The following RASEF variants were observed in gnomAD, a reference collection of about 807,000 sequenced individuals.
RASEF encodes the protein RAS and EF-hand domain containing.
RASEF carries 68 observed loss-of-function variants against 90.1 expected under a neutral mutation model. The ratio of observed to expected loss-of-function variants is 0.75; its 90% CI spans 0.62 to 0.92. The LOEUF (loss-of-function observed/expected upper bound fraction) is 0.92, where lower values mean the gene tolerates loss of function less well. RASEF is among the 40% of genes least tolerant of loss of function. The probability of loss-of-function intolerance (pLI) is 0.00; values close to 1 mark genes in which losing one functional copy is unlikely to be tolerated. For missense variants in RASEF, 949 were observed against 937.2 expected (o/e 1.01, Z -0.16); for synonymous variants, 331 against 345.2 (o/e 0.96, Z 0.46).
chr9:83,118,235 T>C, the RASEF span, among the ~76,000 whole-genome samples: 1 of 152,058 alleles, frequency 6.6e-6, no homozygotes, highest in Non-Finnish European at 1.5e-5. Context: ...TAGTCTGGCA[T>C]CCATTAATGG....
the RASEF span, among the ~76,000 whole-genome samples, chr9:83,172,375 C>A: frequency 6.6e-6 from 1 of 151,698 alleles, no homozygotes; most frequent in Non-Finnish European, 1.5e-5. Flanking sequence ...TTCCATTTAA[C>A]ATTATTATTG....
the RASEF span, among the ~76,000 whole-genome samples, chr9:83,189,462 C>T: frequency 3.9e-5 from 6 of 152,126 alleles, no homozygotes; most frequent in Non-Finnish European, 5.9e-5. Flanking sequence ...CCAGATCAGA[C>T]ATCAGGAAGT....
chr9:83,167,364 CTTT>C, the RASEF span, among the ~76,000 whole-genome samples: 2,952 of 143,000 alleles, frequency 0.021, 103 homozygotes, highest in African/African-American at 0.071. Context: ...GTCTTTAGGC[CTTT>C]TTTTTTTTTT....
the RASEF span, among the ~76,000 whole-genome samples, chr9:83,099,908 T>C: frequency 6.6e-6 from 1 of 152,210 alleles, no homozygotes; most frequent in Non-Finnish European, 1.5e-5. Flanking sequence ...TCAAATATTA[T>C]GGTGATACAG....
At chr9:83,142,267 GA>G in the RASEF span, among the ~76,000 whole-genome samples, 5 of 152,144 alleles carry the variant, frequency 3.3e-5, no homozygotes, top group African/African-American at 1.2e-4. Context: ...CTCATCAAAG[GA>G]AGAAATTTTT....
chr9:83,172,091 G>A, the RASEF span, among the ~76,000 whole-genome samples: 1 of 151,430 alleles, frequency 6.6e-6, no homozygotes, highest in Non-Finnish European at 1.5e-5. Context: ...TCATCCTATA[G>A]GTATGGTATG....
chr9:83,153,926 AAAC>A, the RASEF span, among the ~76,000 whole-genome samples: 2 of 152,208 alleles, frequency 1.3e-5, no homozygotes, highest in Non-Finnish European at 2.9e-5. Context: ...GACAGTTGTC[AAAC>A]AACATTTCCA....
chr9:83,168,794 T>C, the RASEF span, among the ~76,000 whole-genome samples: 2 of 152,160 alleles, frequency 1.3e-5, no homozygotes, highest in African/African-American at 4.8e-5. Context: ...ATGGCTATTA[T>C]TAAAGACAAA....
the RASEF span, among the ~76,000 whole-genome samples, chr9:83,147,140 C>T: frequency 6.6e-6 from 1 of 151,322 alleles, no homozygotes; most frequent in African/African-American, 2.4e-5. Flanking sequence ...ATTCTTTCCA[C>T]CTCAGAAAGA....
At chr9:83,055,286 C>T (rs956756196) in intron 1 of RASEF, 9 of 344,222 alleles carry the variant, frequency 2.6e-5, no homozygotes, top group Admixed American at 8.5e-5. Context: ...GCGCAATATT[C>T]GGGTGGGAGT....
intron 1 of RASEF, among the ~76,000 whole-genome samples, chr9:83,035,272 C>T (rs2118615170): frequency 6.6e-6 from 1 of 152,300 alleles, no homozygotes; most frequent in East Asian, 1.9e-4. Flanking sequence ...AGTGTGAAAG[C>T]AGCCTAGACA....
intron 1 of RASEF, chr9:83,054,786 C>G (rs1369907519): frequency 5.4e-5 from 8 of 148,486 alleles, no homozygotes. Context: ...AGCTGCAGGT[C>G]TGTTGGAATA....
At chr9:83,069,664 T>C in the RASEF span, among the ~76,000 whole-genome samples, 1 of 152,194 alleles carries the variant, frequency 6.6e-6, no homozygotes, top group African/African-American at 2.4e-5. Context: ...TACGTTTTAT[T>C]TTCTCTTGAG....
At chr9:83,093,238 C>G in the RASEF span, among the ~76,000 whole-genome samples, 2 of 152,218 alleles carry the variant, frequency 1.3e-5, no homozygotes, top group African/African-American at 4.8e-5. Flanking sequence ...TGGCTTCACC[C>G]GGTGGATCCC....
At chr9:83,074,106 G>T in the RASEF span, among the ~76,000 whole-genome samples, 1 of 152,174 alleles carries the variant, frequency 6.6e-6, no homozygotes, top group Non-Finnish European at 1.5e-5. Context: ...GGGCAGATAT[G>T]TCATGAAATA....
chr9:83,039,539 T>C (rs1337207434), intron 1 of RASEF, among the ~76,000 whole-genome samples: 1 of 152,110 alleles, frequency 6.6e-6, no homozygotes, highest in Non-Finnish European at 1.5e-5. Context: ...CAGCTAAGCC[T>C]TGCCTGCACA....
the RASEF span, among the ~76,000 whole-genome samples, chr9:83,117,522 T>G: frequency 6.6e-6 from 1 of 152,188 alleles, no homozygotes; most frequent in Non-Finnish European, 1.5e-5. Flanking sequence ...GTGGGAACAA[T>G]AGCTGCTGCT....
At chr9:83,037,472 G>A (rs1036552638) in intron 1 of RASEF, among the ~76,000 whole-genome samples, 15 of 152,032 alleles carry the variant, frequency 9.9e-5, no homozygotes, top group African/African-American at 3.6e-4. Flanking sequence ...AAAGAATAAA[G>A]CATTGTAGTA....
the RASEF span, among the ~76,000 whole-genome samples, chr9:83,117,432 A>T: frequency 6.6e-6 from 1 of 152,236 alleles, no homozygotes; most frequent in East Asian, 1.9e-4. Flanking sequence ...TTTCAACCTC[A>T]GGATCATTCC....
Sources: allele counts gnomAD v4.1 joint callset (sites outside exome capture counted in the v4.1 genomes callset), GRCh38; gene constraint gnomAD v4.1.1; transcripts MANE v1.5; gene names NCBI Gene and HGNC (gene_info 2026-07-23, HGNC 2026-07-21).